Variants in LRBA observed in about 807,000 individuals in gnomAD.
LRBA encodes LPS responsive beige-like anchor protein.
LRBA carries 176 observed loss-of-function variants against 330.0 expected under a neutral mutation model. The observed-to-expected ratio is 0.53, with a 90% CI of 0.47 to 0.60. The LOEUF is 0.60. LRBA is among the 20% of genes least tolerant of loss of function. The pLI is 0.00. For missense variants in LRBA, 3,259 were observed against 3,444.8 expected, an observed-to-expected ratio of 0.95 and a Z score of 1.35; for synonymous variants, 1,230 against 1,193.0, an observed-to-expected ratio of 1.03 and a Z score of -0.64.
intron 48 of LRBA, among the ~76,000 whole-genome samples, chr4:150,328,789 T>C (rs928076567): frequency 1.3e-5 from 2 of 151,998 alleles, no homozygotes; most frequent in South Asian, 2.1e-4. Context: ...ATGGAAGCCA[T>C]AGGATGAGGG....
At chr4:150,922,394 G>GGATATATATA (rs370959649) in intron 4 of LRBA, among the ~76,000 whole-genome samples, 2 of 139,708 alleles carry the variant, frequency 1.4e-5, no homozygotes, top group Non-Finnish European at 3.1e-5. Flanking sequence ...AGAAACTGTG[G>GGATATATATA]TATATATATA....
chr4:150,443,820 C>T (rs1187684308), intron 44 of LRBA, among the ~76,000 whole-genome samples: 1 of 136,464 alleles, frequency 7.3e-6, no homozygotes, highest in Non-Finnish European at 1.6e-5. Flanking sequence ...ATGTTGTGCA[C>T]ATGTATCCTA....
At chr4:150,626,591 G>GT (rs1227533728) in intron 37 of LRBA, among the ~76,000 whole-genome samples, 1 of 151,876 alleles carries the variant, frequency 6.6e-6, no homozygotes, top group African/African-American at 2.4e-5. Context: ...AGAGACTGTA[G>GT]TTTTTATGTA....
intron 55 of LRBA, among the ~76,000 whole-genome samples, chr4:150,281,270 T>C (rs537185535): frequency 2.6e-5 from 4 of 152,190 alleles, no homozygotes; most frequent in South Asian, 2.1e-4. Flanking sequence ...TGCAGCATTA[T>C]GGGAAGGTAG....
At chr4:150,515,697 T>C (rs1268964589) in intron 40 of LRBA, among the ~76,000 whole-genome samples, 1 of 152,088 alleles carries the variant, frequency 6.6e-6, no homozygotes, top group East Asian at 1.9e-4. Context: ...ATATCCAAAG[T>C]ACTCCAAATG....
intron 34 of LRBA, among the ~76,000 whole-genome samples, chr4:150,788,664 G>A (rs1476240737): frequency 2.0e-5 from 3 of 151,738 alleles, no homozygotes; most frequent in Non-Finnish European, 4.4e-5. Flanking sequence ...GGGAAGCTGA[G>A]GCCAGAGAAT....
intron 41 of LRBA, among the ~76,000 whole-genome samples, chr4:150,489,590 T>A (rs1289767230): frequency 3.2e-4 from 4 of 12,578 alleles, no homozygotes; most frequent in South Asian, 4.3e-3. Context: ...TATAATATAT[T>A]ATATAAGAAT....
At position 150,988,990 on chromosome 4, in the gene LRBA, GT is replaced by G. The variant is rs543189878; in HGVS notation, c.216+25436del. ...ATCATTAATTAAGTGCCTATAAAGT[GT>G]TTGTTTTTTTGTTGTTGTTTTTTTG... On this transcript the variant is annotated intron_variant, in intron 2 of 56. Transcript: ENST00000651943. Among the ~76,000 whole-genome samples the G allele has an allele frequency of 2.2e-4, 34 of 151,826 alleles. No homozygotes were observed. The South Asian group carries it at 6.7e-3, about 30-fold the overall frequency.
intron 40 of LRBA, among the ~76,000 whole-genome samples, chr4:150,506,170 C>T (rs1047249209): frequency 6.6e-6 from 1 of 152,176 alleles, no homozygotes; most frequent in African/African-American, 2.4e-5. Flanking sequence ...TGGTATCATT[C>T]CTTCTGAAAC....
At chr4:150,706,300 C>T (rs527548179) in intron 36 of LRBA, among the ~76,000 whole-genome samples, 4 of 151,804 alleles carry the variant, frequency 2.6e-5, no homozygotes, top group East Asian at 1.9e-4. Context: ...AAATCAAACT[C>T]GAAATTGACC....
intron 46 of LRBA, among the ~76,000 whole-genome samples, chr4:150,426,269 GAAAA>G (rs1204427498): frequency 6.6e-6 from 1 of 151,778 alleles, no homozygotes; most frequent in Non-Finnish European, 1.5e-5. Context: ...AATTGGAAAA[GAAAA>G]AATAATCTAT....
At position 150,361,157 on chromosome 4, in the gene LRBA, C is replaced by T. The variant is rs183298554; in HGVS notation, c.7195-10998G>A. Among the ~76,000 whole-genome samples, 163 of 152,238 alleles carry T rather than the reference C, an allele frequency of 1.1e-3. 4 individuals carry two copies. The highest frequency in any genetic ancestry group is 3.8e-3 in the African/African-American group (159 of 41,540). Reference sequence around the variant, plus strand: ...GACACTTCATTTTAGTAGCAGATAACGAGTCTCTGTCTACTCCTAGAGATT... The same window carrying T: ...GACACTTCATTTTAGTAGCAGATAATGAGTCTCTGTCTACTCCTAGAGATT... On this transcript the variant is annotated intron_variant, in intron 47 of 56. Coordinates refer to ENST00000651943, the MANE Select transcript of LRBA (RefSeq NM_001364905.1).
At chr4:150,339,000 G>C (rs895595403) in intron 48 of LRBA, among the ~76,000 whole-genome samples, 2 of 145,520 alleles carry the variant, frequency 1.4e-5, no homozygotes, top group East Asian at 4.0e-4. Flanking sequence ...CACACAAGTA[G>C]TGAACCCAGA....
chr4:150,488,728 C>T (rs1440030215), intron 41 of LRBA, among the ~76,000 whole-genome samples: 1 of 141,122 alleles, frequency 7.1e-6, no homozygotes, highest in East Asian at 2.0e-4. Context: ...TCCTTCTTCT[C>T]TACCAACCCT....
At chr4:150,400,656 C>A (rs565138638) in intron 47 of LRBA, among the ~76,000 whole-genome samples, 1 of 151,978 alleles carries the variant, frequency 6.6e-6, no homozygotes, top group Admixed American at 6.6e-5. Flanking sequence ...GAGTTTGAGA[C>A]CAGCCTGAGC....
At chr4:150,464,938 G>A (rs1414236327) in intron 44 of LRBA, among the ~76,000 whole-genome samples, 4 of 151,672 alleles carry the variant, frequency 2.6e-5, no homozygotes, top group African/African-American at 4.9e-5. Flanking sequence ...CGTACAGTTC[G>A]GTAGTATTAA....
intron 56 of LRBA, among the ~76,000 whole-genome samples, chr4:150,274,153 C>T (rs1746472408): frequency 6.6e-6 from 1 of 152,188 alleles, no homozygotes; most frequent in Non-Finnish European, 1.5e-5. Flanking sequence ...GATTAAGACA[C>T]TCACTCAAAA....
At chr4:150,986,858 G>A (rs1434425774) in intron 2 of LRBA, among the ~76,000 whole-genome samples, 1 of 152,156 alleles carries the variant, frequency 6.6e-6, no homozygotes, top group Admixed American at 6.5e-5. Flanking sequence ...AGGCAGTAAA[G>A]AAAATGATAC....
chr4:150,313,692 C>T (rs1731350945), intron 51 of LRBA, among the ~76,000 whole-genome samples: 1 of 151,552 alleles, frequency 6.6e-6, no homozygotes. Context: ...CTTGAGTTTC[C>T]CTTATCTGAA....
Sources: gnomAD v4.1 joint callset for allele counts (sites outside exome capture counted in the v4.1 genomes callset) on GRCh38, gnomAD v4.1.1 for gene constraint, MANE v1.5 for transcripts, NCBI Gene and HGNC (gene_info 2026-07-23, HGNC 2026-07-21) for gene names.